RTL4: variants seen among roughly 807,000 people sequenced by gnomAD.
The protein encoded by RTL4 is retrotransposon Gag-like protein 4.
In RTL4, 4 loss-of-function variants were observed where a neutral mutation model predicts 5.3. The observed-to-expected ratio is 0.75, with a 90% CI of 0.37 to 1.72. RTL4 has a LOEUF of 1.72. Among genes scored for constraint, RTL4 ranks in the 40% most tolerant of loss-of-function variants. The probability of loss-of-function intolerance (pLI) is 0.04; values close to 1 mark genes in which losing one functional copy is unlikely to be tolerated. For missense variants in RTL4, 260 were observed against 227.1 expected (o/e 1.14, Z -0.93); for synonymous variants, 98 against 87.3 (o/e 1.12, Z -0.68).
the RTL4 span, among the ~76,000 whole-genome samples, chrX:112,266,305 T>G: frequency 9.0e-6 from 1 of 111,619 alleles, no homozygotes; most frequent in African/African-American, 3.3e-5. Context: ...AACCTTAATT[T>G]GGTTTAAACA....
the RTL4 span, among the ~76,000 whole-genome samples, chrX:112,125,489 T>A: frequency 0.024 from 2,639 of 111,770 alleles, 34 homozygotes; most frequent in Non-Finnish European, 0.035. Context: ...GCCCCTTGGA[T>A]TATCTGATTT....
At chrX:112,265,892 G>A in the RTL4 span, among the ~76,000 whole-genome samples, 1 of 109,648 alleles carries the variant, frequency 9.1e-6, no homozygotes, top group Admixed American at 9.8e-5. Context: ...TATAATGTGA[G>A]CCATACACCT....
the RTL4 span, among the ~76,000 whole-genome samples, chrX:112,221,365 G>A: frequency 2.7e-5 from 3 of 111,591 alleles, no homozygotes; most frequent in East Asian, 8.5e-4. Flanking sequence ...TTTAGGTGGG[G>A]ACACAAAGCC....
At chrX:112,427,311 T>G in the RTL4 span, among the ~76,000 whole-genome samples, 2 of 111,192 alleles carry the variant, frequency 1.8e-5, no homozygotes, top group Non-Finnish European at 3.8e-5. Flanking sequence ...ATGTAATCCT[T>G]CACATCCATA....
the RTL4 span, among the ~76,000 whole-genome samples, chrX:112,262,565 G>C: frequency 2.7e-5 from 3 of 112,049 alleles, no homozygotes; most frequent in East Asian, 8.4e-4. Context: ...AGAGGATGTG[G>C]AGAATTAGGA....
the RTL4 span, among the ~76,000 whole-genome samples, chrX:112,286,397 G>A: frequency 8.9e-6 from 1 of 111,734 alleles, no homozygotes; most frequent in Non-Finnish European, 1.9e-5. Context: ...CAAGTGTGAT[G>A]AGAAGTCATT....
the RTL4 span, among the ~76,000 whole-genome samples, chrX:112,190,878 C>T: frequency 8.9e-6 from 1 of 111,781 alleles, no homozygotes; most frequent in Non-Finnish European, 1.9e-5. Context: ...GGTGGTAACT[C>T]GGTGCTACGG....
At chrX:112,365,579 G>A in the RTL4 span, among the ~76,000 whole-genome samples, 51 of 111,162 alleles carry the variant, frequency 4.6e-4, no homozygotes, top group Non-Finnish European at 8.3e-4. Flanking sequence ...AGATTCCCTG[G>A]GAGGATCACA....
the RTL4 span, among the ~76,000 whole-genome samples, chrX:112,440,235 A>G: frequency 3.6e-5 from 4 of 111,946 alleles, no homozygotes; most frequent in Admixed American, 9.5e-5. Context: ...TGCAAGTTAA[A>G]TGAACATTTC....
chrX:112,162,370 T>C, the RTL4 span, among the ~76,000 whole-genome samples: 3,599 of 111,651 alleles, frequency 0.032, 121 homozygotes, highest in African/African-American at 0.098. Context: ...GGTACATTAC[T>C]TTCTGGTATG....
At chrX:112,183,075 C>T in the RTL4 span, among the ~76,000 whole-genome samples, 11 of 111,892 alleles carry the variant, frequency 9.8e-5, 1 homozygote, top group South Asian at 7.5e-4. Context: ...GCTTCATAAG[C>T]GAAGGAGAAA....
chrX:112,168,997 T>TC, the RTL4 span, among the ~76,000 whole-genome samples: 15 of 107,085 alleles, frequency 1.4e-4, no homozygotes, highest in Non-Finnish European at 1.9e-4. Context: ...TTTCTTTCCT[T>TC]TCTTTCCTTT....
chrX:112,368,591 C>T, the RTL4 span, among the ~76,000 whole-genome samples: 1 of 111,029 alleles, frequency 9.0e-6, no homozygotes, highest in African/African-American at 3.3e-5. Flanking sequence ...ATCTAGTGGA[C>T]ACAGGCTGGG....
the RTL4 span, among the ~76,000 whole-genome samples, chrX:112,229,237 A>G: frequency 8.9e-6 from 1 of 112,272 alleles, no homozygotes; most frequent in Non-Finnish European, 1.9e-5. Context: ...TGTGCCAGGC[A>G]TGGAGGCTAA....
the RTL4 span, among the ~76,000 whole-genome samples, chrX:112,371,701 T>C: frequency 8.9e-6 from 1 of 111,742 alleles, no homozygotes; most frequent in African/African-American, 3.2e-5. Context: ...AAAATAAAAT[T>C]ACTGACTTAT....
chrX:112,280,602 C>G, the RTL4 span, among the ~76,000 whole-genome samples: 1 of 110,671 alleles, frequency 9.0e-6, no homozygotes, highest in Admixed American at 9.6e-5. Context: ...AGTCCTCCCA[C>G]CTTAGCTTCC....
chrX:112,190,935 G>A, the RTL4 span, among the ~76,000 whole-genome samples: 2 of 111,896 alleles, frequency 1.8e-5, no homozygotes, highest in East Asian at 2.8e-4. Context: ...CTGAGCTAGA[G>A]GGTCACAATT....
At chrX:112,157,863 C>G in the RTL4 span, among the ~76,000 whole-genome samples, 2 of 112,062 alleles carry the variant, frequency 1.8e-5, no homozygotes, top group Non-Finnish European at 3.8e-5. Flanking sequence ...AATGCAGACT[C>G]TGCTCCTGCC....
chrX:112,235,042 A>G, the RTL4 span, among the ~76,000 whole-genome samples: 1 of 111,326 alleles, frequency 9.0e-6, no homozygotes, highest in African/African-American at 3.3e-5. Flanking sequence ...TTCGGGATCC[A>G]GGTGGCTTTC....
Sources: gnomAD v4.1 joint callset for allele counts (sites outside exome capture counted in the v4.1 genomes callset) on GRCh38, gnomAD v4.1.1 for gene constraint, MANE v1.5 for transcripts, NCBI Gene and HGNC (gene_info 2026-07-23, HGNC 2026-07-21) for gene names.